PHACTR3: variants seen among roughly 807,000 people sequenced by gnomAD.
PHACTR3 encodes the protein phosphatase and actin regulator 3.
Under a neutral mutation model 66.8 loss-of-function variants are expected in PHACTR3, and 16 were observed. The ratio of observed to expected loss-of-function variants is 0.24; its 90% CI spans 0.16 to 0.36. PHACTR3 has a LOEUF of 0.36. Ranked by LOEUF, PHACTR3 falls within the 10% of genes least tolerant of loss-of-function variation. The pLI, the probability that PHACTR3 is intolerant of heterozygous loss-of-function variation, is 1.00. For missense variants in PHACTR3, 647 were observed against 719.9 expected (o/e 0.90, Z 1.16); for synonymous variants, 323 against 292.1 (o/e 1.11, Z -1.08).
intron 3 of PHACTR3, among the ~76,000 whole-genome samples, chr20:59,750,250 C>G (rs944277959): frequency 6.6e-6 from 1 of 151,496 alleles, no homozygotes; most frequent in Admixed American, 6.6e-5. Flanking sequence ...TGAGTCAGGT[C>G]CAAAGGTGGG....
chr20:59,690,670 C>G (rs1381525757), intron 1 of PHACTR3, among the ~76,000 whole-genome samples: 1 of 152,194 alleles, frequency 6.6e-6, no homozygotes, highest in Admixed American at 6.5e-5. Context: ...GTAAATCCTC[C>G]TTCCTCCTCA....
At chr20:59,662,711 T>C (rs1012551793) in intron 1 of PHACTR3, among the ~76,000 whole-genome samples, 2 of 151,650 alleles carry the variant, frequency 1.3e-5, no homozygotes, top group Non-Finnish European at 2.9e-5. Context: ...GGGCAGGGGG[T>C]ACAGGGCACG....
chr20:59,762,526 T>C (rs1052012860), intron 4 of PHACTR3, among the ~76,000 whole-genome samples: 1 of 152,230 alleles, frequency 6.6e-6, no homozygotes, highest in Non-Finnish European at 1.5e-5. Context: ...AATGTGTCCA[T>C]CATCTCAGAA....
rs190261577 is a variant in PHACTR3 at position 59,579,041 on chromosome 20, C to G, written c.109+1424C>G. ...AGTGCCTGCACAGAGTAAGTGCCCACAAGTGTCAGTGCCCTCCCCTAAAGC... is the reference window on the plus strand; with the variant it reads ...AGTGCCTGCACAGAGTAAGTGCCCAGAAGTGTCAGTGCCCTCCCCTAAAGC... On this transcript the variant is annotated intron_variant, in intron 1 of 12. Coordinates refer to the PHACTR3 transcript ENST00000359926. Among the ~76,000 whole-genome samples, 636 of 152,330 alleles carry G rather than the reference C, an allele frequency of 4.2e-3. 3 individuals carry two copies. The highest frequency in any genetic ancestry group is 6.8e-3 in the Middle Eastern group (2 of 294).
In PHACTR3 at chr20:59,605,106, C is replaced by G; in HGVS notation, c.92C>G (p.Ser31Cys). The G allele has an allele frequency of 7.2e-7, 1 of 1,386,822 alleles. No individual in the cohort carries two copies. The highest frequency in any genetic ancestry group is 3.2e-5 in the Admixed American group (1 of 31,704). 85.9% of individuals were successfully genotyped at this position (1,386,822 alleles called of 1,614,324 possible). ...PSVLTDSSAT[S>C]SADAGENPDE... ...GTCCTCACCGACTCCTCGGCCACCT[C>G]CTCCGCGGACGCCGGGGAGAACCCA... Residue 31 changes from serine to cysteine, a missense_variant, in exon 1 of 13, where the codon TCC becomes TGC. Around this residue, in one of 2 missense-constraint regions of PHACTR3, gnomAD observed 577 missense variants for 571.1 expected, o/e 1.01. Coordinates refer to ENST00000371015, the MANE Select transcript of PHACTR3 (RefSeq NM_080672.5).
chr20:59,767,553 G>A (rs1184414), intron 5 of PHACTR3, among the ~76,000 whole-genome samples, 158 bp downstream of exon 5: 113,860 of 152,168 alleles, frequency 0.75, 42,868 homozygotes, highest in South Asian at 0.82. Flanking sequence ...GGCACCAACT[G>A]TGGGCTGGTT....
intron 1 of PHACTR3, among the ~76,000 whole-genome samples, chr20:59,691,643 T>C (rs2037112566): frequency 2.0e-5 from 3 of 152,230 alleles, no homozygotes; most frequent in Non-Finnish European, 4.4e-5. Flanking sequence ...GTTTATTTTT[T>C]ATATAAATTT....
chr20:59,609,003 C>T (rs547471041), intron 1 of PHACTR3, among the ~76,000 whole-genome samples: 12 of 152,224 alleles, frequency 7.9e-5, no homozygotes, highest in Non-Finnish European at 1.5e-4. Context: ...ATTTGTAGGA[C>T]GAATGGGCAC....
chr20:59,765,846 C>T (rs77517995), intron 4 of PHACTR3, among the ~76,000 whole-genome samples: 3,403 of 152,260 alleles, frequency 0.022, 58 homozygotes, highest in Non-Finnish European at 0.035. Context: ...AAGGACAAGC[C>T]CCAGCTCCAC....
intron 1 of PHACTR3, among the ~76,000 whole-genome samples, chr20:59,632,315 G>A (rs2034697092): frequency 6.6e-6 from 1 of 152,194 alleles, no homozygotes; most frequent in South Asian, 2.1e-4. Context: ...TGTCCACGTG[G>A]AATTGACCAT....
chr20:59,790,708 C>T lies in PHACTR3; in HGVS notation c.1175-15333C>T, dbSNP rs183257876. On this transcript the variant is annotated intron_variant, in intron 7 of 12. Coordinates refer to ENST00000371015, the MANE Select transcript of PHACTR3 (RefSeq NM_080672.5). ...AAGTAGTGTGTATGGTATGATCCTACTTTTGTAAGACATCAGAATTAAGTG... is the reference window on the plus strand; with the variant it reads ...AAGTAGTGTGTATGGTATGATCCTATTTTTGTAAGACATCAGAATTAAGTG... Among the ~76,000 whole-genome samples the T allele has an allele frequency of 1.3e-3, 200 of 152,274 alleles. 1 individual carries two copies. Among genetic ancestry groups the T allele is most frequent in the Non-Finnish European group, 2.3e-3 (157 of 68,024 alleles).
chr20:59,750,665 G>A (rs547591146), intron 3 of PHACTR3, among the ~76,000 whole-genome samples: 21 of 151,436 alleles, frequency 1.4e-4, no homozygotes, highest in East Asian at 7.7e-4. Flanking sequence ...AGCCTGGGGC[G>A]GCCACAGTGC....
upstream of PHACTR3, among the ~76,000 whole-genome samples, chr20:59,599,981 C>T (rs1278802445): frequency 1.3e-5 from 2 of 152,214 alleles, no homozygotes; most frequent in African/African-American, 2.4e-5. Context: ...GGCTTTCCAC[C>T]ATCCTTGGAA....
chr20:59,729,953 T>C (rs1017988589), intron 1 of PHACTR3, among the ~76,000 whole-genome samples: 5 of 152,186 alleles, frequency 3.3e-5, no homozygotes, highest in African/African-American at 1.2e-4. Context: ...GCACGCTCTA[T>C]TCTGCAGGAT....
chr20:59,620,760 G>A (rs1156446151), intron 1 of PHACTR3, among the ~76,000 whole-genome samples: 1 of 152,068 alleles, frequency 6.6e-6, no homozygotes, highest in South Asian at 2.1e-4. Flanking sequence ...GTCAGACATC[G>A]TTTCTCATCA....
Position 59,604,848 on chromosome 20 carries a change from T to G in PHACTR3, c.-167T>G. On this transcript the variant is annotated 5_prime_UTR_variant, in exon 1 of 13. Coordinates refer to ENST00000371015, the MANE Select transcript of PHACTR3 (RefSeq NM_080672.5). ...CCCCGCCCTGAAGCCAGCCCCGGCG[T>G]CTTTCTCCAGCTCGTTTCCTTTCCC... is the stretch of plus-strand genomic sequence containing the variant. 2 of 1,209,540 alleles carry G rather than the reference T, an allele frequency of 1.7e-6. No individual in the cohort carries two copies. The highest frequency in any genetic ancestry group is 2.0e-6 in the Non-Finnish European group (2 of 976,320). 74.9% of individuals were successfully genotyped at this position (1,209,540 alleles called of 1,614,324 possible). A position where few individuals can be genotyped will look rare whatever the true frequency, so the allele number is the denominator to read the frequency against.
intron 1 of PHACTR3, among the ~76,000 whole-genome samples, chr20:59,695,964 C>T (rs563447611): frequency 1.3e-4 from 20 of 152,210 alleles, no homozygotes; most frequent in African/African-American, 4.8e-4. Context: ...AACTCCTGAC[C>T]TCAAGTGATC....
chr20:59,606,941 T>C (rs2033691355), intron 1 of PHACTR3, among the ~76,000 whole-genome samples: 1 of 152,146 alleles, frequency 6.6e-6, no homozygotes, highest in Non-Finnish European at 1.5e-5. Context: ...AGAACCTTAC[T>C]AAAAAGCACC....
At chr20:59,787,053 G>A (rs1232592525) in intron 7 of PHACTR3, among the ~76,000 whole-genome samples, 1 of 152,222 alleles carries the variant, frequency 6.6e-6, no homozygotes, top group African/African-American at 2.4e-5. Flanking sequence ...GGAAGCAAGA[G>A]GAAACCCTGT....
Sources: allele counts gnomAD v4.1 joint callset (sites outside exome capture counted in the v4.1 genomes callset), GRCh38; gene constraint gnomAD v4.1.1; regional missense constraint gnomAD v4.1.1; transcripts MANE v1.5; gene names NCBI Gene and HGNC (gene_info 2026-07-23, HGNC 2026-07-21).